The following SHROOM4 variants were observed in gnomAD, a reference collection of about 807,000 sequenced individuals.
SHROOM4 encodes the protein protein Shroom4.
A neutral mutation model predicts 80.3 loss-of-function variants in SHROOM4; 17 were observed. That is an observed-to-expected ratio of 0.21 (90% CI 0.14 to 0.32). The LOEUF is 0.32. Among genes scored for constraint, SHROOM4 ranks in the 10% least tolerant of loss-of-function variants. The probability of loss-of-function intolerance (pLI) is 1.00; values close to 1 mark genes in which losing one functional copy is unlikely to be tolerated. For synonymous variants in SHROOM4, 400 were observed against 437.5 expected, an observed-to-expected ratio of 0.91 and a Z score of 1.07; for missense variants, 993 against 1,140.3, an observed-to-expected ratio of 0.87 and a Z score of 1.86.
At chrX:50,694,543 ATTTTTTTTT>A (rs782530547) in intron 2 of SHROOM4, among the ~76,000 whole-genome samples, 2 of 12,494 alleles carry the variant, frequency 1.6e-4, no homozygotes, top group African/African-American at 3.3e-4. Flanking sequence ...TTTAAGTTGG[ATTTTTTTTT>A]TTTTTTTTTT....
At chrX:50,631,711 T>C (rs979962951) in intron 4 of SHROOM4, among the ~76,000 whole-genome samples, 30 of 112,316 alleles carry the variant, frequency 2.7e-4, no homozygotes, top group African/African-American at 8.7e-4. Context: ...TATATTTCTA[T>C]AGACTAGTAA....
chrX:50,749,788 C>T (rs1934865811), intron 1 of SHROOM4, among the ~76,000 whole-genome samples: 1 of 111,822 alleles, frequency 8.9e-6, no homozygotes, highest in Non-Finnish European at 1.9e-5. Context: ...TCAATTTCTT[C>T]ATATTCTTGC....
chrX:50,586,918 C>T lies in SHROOM4; in HGVS notation c.*9777G>A, dbSNP rs188821945. 8.9e-6 allele frequency among the ~76,000 whole-genome samples: 1 copy of T among 111,778 alleles called. No individual in the cohort carries two copies. The highest frequency in any genetic ancestry group is 1.9e-5 in the Non-Finnish European group (1 of 53,090). On this transcript the variant is annotated 3_prime_UTR_variant, in exon 9 of 9. Coordinates refer to ENST00000376020, the MANE Select transcript of SHROOM4 (RefSeq NM_020717.5). ...ATATGCATTTCCTCACATAATTACCCTCTTTTGCAGTAAGAGCACCTGAAA... is the reference window on the plus strand; with the variant it reads ...ATATGCATTTCCTCACATAATTACCTTCTTTTGCAGTAAGAGCACCTGAAA...
chrX:50,793,374 C>G (rs904843754), intron 1 of SHROOM4, among the ~76,000 whole-genome samples: 1 of 109,889 alleles, frequency 9.1e-6, no homozygotes, highest in Non-Finnish European at 1.9e-5. Context: ...CAACATTGTG[C>G]CTATGGTTAA....
chrX:50,789,648 G>A (rs1482593324), intron 1 of SHROOM4, among the ~76,000 whole-genome samples: 1 of 111,758 alleles, frequency 8.9e-6, no homozygotes, highest in Non-Finnish European at 1.9e-5. Flanking sequence ...ATAAAGATTA[G>A]AACATAAATA....
intron 1 of SHROOM4, among the ~76,000 whole-genome samples, chrX:50,792,616 A>T (rs189309481): frequency 7.2e-5 from 8 of 110,815 alleles, no homozygotes; most frequent in Admixed American, 5.8e-4. Context: ...ATACAACTCA[A>T]CAGCATAATA....
chrX:50,787,195 G>A (rs1557271149), intron 1 of SHROOM4, among the ~76,000 whole-genome samples: 2 of 108,994 alleles, frequency 1.8e-5, no homozygotes. Context: ...CACCAGTTTG[G>A]GCAACAGAGC....
At chrX:50,800,673 A>T (rs1936100151) in intron 1 of SHROOM4, among the ~76,000 whole-genome samples, 1 of 111,463 alleles carries the variant, frequency 9.0e-6, no homozygotes, top group Non-Finnish European at 1.9e-5. Flanking sequence ...TGGGGAACAG[A>T]GAGGTAACCG....
intron 1 of SHROOM4, among the ~76,000 whole-genome samples, chrX:50,739,414 AT>A (rs1450327792): frequency 9.0e-6 from 1 of 111,363 alleles, no homozygotes; most frequent in Admixed American, 9.5e-5. Context: ...ATGGGAGAAA[AT>A]TTTTGCAATC....
At chrX:50,789,482 G>A (rs185014050) in intron 1 of SHROOM4, among the ~76,000 whole-genome samples, 14 of 111,324 alleles carry the variant, frequency 1.3e-4, no homozygotes, top group African/African-American at 4.5e-4. Context: ...GTACAAAACC[G>A]ATGGAATGCA....
intron 2 of SHROOM4, among the ~76,000 whole-genome samples, chrX:50,638,664 CA>C (rs1269921272): frequency 2.6e-4 from 29 of 112,594 alleles, no homozygotes; most frequent in African/African-American, 9.0e-4. Context: ...TCAATCTGGT[CA>C]ATCTTCCCAT....
chrX:50,651,889 A>G (rs1299293510), intron 2 of SHROOM4, among the ~76,000 whole-genome samples: 3 of 111,202 alleles, frequency 2.7e-5, no homozygotes, highest in Non-Finnish European at 3.8e-5. Flanking sequence ...AGCTTCATCC[A>G]TGTCCCTGCA....
intron 1 of SHROOM4, among the ~76,000 whole-genome samples, chrX:50,763,377 C>T (rs1056831831): frequency 9.0e-6 from 1 of 111,484 alleles, no homozygotes; most frequent in African/African-American, 3.3e-5. Flanking sequence ...TCTACCCCTA[C>T]AACCTCACAC....
At chrX:50,705,996 AC>A in intron 1 of SHROOM4, among the ~76,000 whole-genome samples, 3 of 95,691 alleles carry the variant, frequency 3.1e-5, no homozygotes, top group Middle Eastern at 0.011. Flanking sequence ...CTCTACACAC[AC>A]ACACACACAC....
intron 1 of SHROOM4, among the ~76,000 whole-genome samples, chrX:50,761,984 T>C (rs1372129737): frequency 6.2e-5 from 7 of 112,009 alleles, no homozygotes; most frequent in South Asian, 3.7e-4. Flanking sequence ...ACAATATACA[T>C]CTTATATTCT....
intron 1 of SHROOM4, among the ~76,000 whole-genome samples, chrX:50,738,396 T>C (rs1934552090): frequency 9.0e-6 from 1 of 111,033 alleles, no homozygotes; most frequent in Admixed American, 9.6e-5. Flanking sequence ...ATTGTCCTTG[T>C]TTACAGATGA....
intron 1 of SHROOM4, among the ~76,000 whole-genome samples, chrX:50,755,766 A>G (rs782605743): frequency 8.9e-6 from 1 of 111,740 alleles, no homozygotes; most frequent in African/African-American, 3.2e-5. Flanking sequence ...AACAGGCTCA[A>G]GGCAAGGGAA....
the SHROOM4 span, among the ~76,000 whole-genome samples, chrX:50,579,218 T>A: frequency 1.2e-4 from 13 of 111,845 alleles, no homozygotes; most frequent in African/African-American, 4.2e-4. Flanking sequence ...AGAAGAAAAT[T>A]CATCCTATTT....
chrX:50,576,572 T>G, the SHROOM4 span, among the ~76,000 whole-genome samples: 1 of 111,869 alleles, frequency 8.9e-6, no homozygotes, highest in Non-Finnish European at 1.9e-5. Flanking sequence ...TTAATGTAAC[T>G]ATATATGTCT....
Sources: allele counts gnomAD v4.1 joint callset (sites outside exome capture counted in the v4.1 genomes callset), GRCh38; gene constraint gnomAD v4.1.1; transcripts MANE v1.5; gene names NCBI Gene and HGNC (gene_info 2026-07-23, HGNC 2026-07-21).